The following PPP4R4 variants were observed in gnomAD, a reference collection of about 807,000 sequenced individuals.
The protein encoded by PPP4R4 is serine/threonine-protein phosphatase 4 regulatory subunit 4.
A neutral mutation model predicts 121.8 loss-of-function variants in PPP4R4; 70 were observed. The observed-to-expected ratio is 0.57, with a 90% CI of 0.47 to 0.70. The LOEUF (loss-of-function observed/expected upper bound fraction) is 0.70, where lower values mean the gene tolerates loss of function less well. PPP4R4 is among the 30% of genes least tolerant of loss of function. The pLI is 0.00. For synonymous variants in PPP4R4, 348 were observed against 355.7 expected (o/e 0.98, Z 0.24); for missense variants, 875 against 1,033.6 (o/e 0.85, Z 2.10).
intron 7 of PPP4R4, among the ~76,000 whole-genome samples, chr14:94,236,701 T>TA (rs1420109136): frequency 6.6e-6 from 1 of 152,180 alleles, no homozygotes; most frequent in Non-Finnish European, 1.5e-5. Context: ...AAACTTATTT[T>TA]AAAAAATGCT....
At chr14:94,188,406 C>T (rs1889404760) in intron 2 of PPP4R4, among the ~76,000 whole-genome samples, 1 of 151,974 alleles carries the variant, frequency 6.6e-6, no homozygotes, top group South Asian at 2.1e-4. Context: ...CTTATAATGT[C>T]TTATTTTGAT....
At chr14:94,205,752 A>T (rs1481484299) in intron 2 of PPP4R4, among the ~76,000 whole-genome samples, 2 of 151,922 alleles carry the variant, frequency 1.3e-5, no homozygotes, top group East Asian at 3.9e-4. Context: ...TCATGGGAAA[A>T]TACAGAAGTT....
chr14:94,275,521 T>C lies in PPP4R4; in HGVS notation c.2597T>C (p.Leu866Ser), dbSNP rs755232005. The C allele has an allele frequency of 6.8e-6, 11 of 1,613,970 alleles. No individual in the cohort carries two copies. The highest frequency in any genetic ancestry group is 9.3e-6 in the Non-Finnish European group (11 of 1,179,882). ...SKDTQPRKAT[L>S]KSRKSNP is the part of the protein sequence containing the mutation. ...GATACACAACCACGGAAGGCTACCTTGTAAGTAATCAAGTGATGTCAGACT... is the reference window on the plus strand; with the variant it reads ...GATACACAACCACGGAAGGCTACCTCGTAAGTAATCAAGTGATGTCAGACT... Residue 866 changes from leucine to serine, a missense_variant and splice_region_variant, in exon 24 of 25, where the codon TTA becomes TCA. Leu to Ser is a moderately radical substitution (Grantham distance 145). Transcript: ENST00000304338.
intron 7 of PPP4R4, among the ~76,000 whole-genome samples, chr14:94,236,284 A>G (rs1023133391): frequency 6.6e-6 from 1 of 152,216 alleles, no homozygotes; most frequent in African/African-American, 2.4e-5. Flanking sequence ...ATTGAATGGA[A>G]ATAACTTTTA....
chr14:94,227,232 G>C, intron 3 of PPP4R4: 1 of 1,415,986 alleles, frequency 7.1e-7, no homozygotes, highest in Admixed American at 1.7e-5. Flanking sequence ...ATGGTAACTG[G>C]CTTAAGGCAT....
chr14:94,276,119 T>C (rs1894625836), intron 24 of PPP4R4, among the ~76,000 whole-genome samples: 1 of 152,210 alleles, frequency 6.6e-6, no homozygotes, highest in Non-Finnish European at 1.5e-5. Context: ...AAAATCACCA[T>C]GATAAGAGAC....
chr14:94,188,226 AGTGAAGTAC>A (rs1396737712), intron 2 of PPP4R4, among the ~76,000 whole-genome samples: 5 of 152,070 alleles, frequency 3.3e-5, no homozygotes, highest in Non-Finnish European at 5.9e-5. Context: ...CTTTTAGTAT[AGTGAAGTAC>A]GTTGATTAAT....
chr14:94,196,618 A>G (rs951448573), intron 2 of PPP4R4, among the ~76,000 whole-genome samples: 2 of 151,866 alleles, frequency 1.3e-5, no homozygotes, highest in East Asian at 3.9e-4. Flanking sequence ...CTGGCCTCAA[A>G]TCTTTTTTAT....
intron 19 of PPP4R4, among the ~76,000 whole-genome samples, chr14:94,260,538 A>G (rs1266396726): frequency 6.6e-6 from 1 of 152,102 alleles, no homozygotes; most frequent in East Asian, 1.9e-4. Context: ...TGGGTATGTA[A>G]TGGTATCTCA....
At chr14:94,218,385 G>GCACACA (rs142423588) in intron 3 of PPP4R4, among the ~76,000 whole-genome samples, 2 of 92,686 alleles carry the variant, frequency 2.2e-5, no homozygotes, top group East Asian at 7.3e-4. Flanking sequence ...GCACGCGCGT[G>GCACACA]CACACACACA....
intron 17 of PPP4R4, 82 bp from the exon 18 acceptor site, chr14:94,258,701 C>A: frequency 9.8e-7 from 1 of 1,017,494 alleles, no homozygotes; most frequent in Non-Finnish European, 1.5e-6. Context: ...TTTGAACCTC[C>A]ATTTGCAAAA....
chr14:94,235,991 A>T (rs1892326615), intron 7 of PPP4R4, among the ~76,000 whole-genome samples: 1 of 152,186 alleles, frequency 6.6e-6, no homozygotes, highest in Non-Finnish European at 1.5e-5. Context: ...ATTTTTTAAA[A>T]ATCTGGGCCA....
chr14:94,180,106 C>T (rs1296878511), intron 2 of PPP4R4, among the ~76,000 whole-genome samples: 1 of 152,126 alleles, frequency 6.6e-6, no homozygotes, highest in African/African-American at 2.4e-5. Context: ...GGTTGAAGCA[C>T]CTGGCACATA....
intron 3 of PPP4R4, among the ~76,000 whole-genome samples, chr14:94,224,308 ACTG>A (rs1272042914): frequency 2.6e-5 from 4 of 152,194 alleles, no homozygotes; most frequent in Non-Finnish European, 4.4e-5. Flanking sequence ...TCTCATGCTG[ACTG>A]TAAAGTCGAA....
intron 3 of PPP4R4, among the ~76,000 whole-genome samples, chr14:94,222,593 T>C (rs1891469618): frequency 6.6e-6 from 1 of 150,506 alleles, no homozygotes; most frequent in African/African-American, 2.4e-5. Context: ...TTTTTCTGCC[T>C]GAAGAACACC....
intron 8 of PPP4R4, among the ~76,000 whole-genome samples, chr14:94,240,246 G>A (rs1892556951): frequency 6.6e-6 from 1 of 152,160 alleles, no homozygotes; most frequent in Non-Finnish European, 1.5e-5. Flanking sequence ...AGTAATAAAT[G>A]AAATGATAAA....
intron 22 of PPP4R4, among the ~76,000 whole-genome samples, chr14:94,266,726 C>T (rs1894070900): frequency 6.6e-6 from 1 of 151,858 alleles, no homozygotes; most frequent in South Asian, 2.1e-4. Context: ...GCTTGAACCT[C>T]AAAAGAAAAA....
intron 2 of PPP4R4, among the ~76,000 whole-genome samples, chr14:94,195,698 T>C (rs1195299493): frequency 6.6e-6 from 1 of 151,880 alleles, no homozygotes; most frequent in Non-Finnish European, 1.5e-5. Flanking sequence ...CCCTAGACCA[T>C]GAGTAGAGGG....
chr14:94,205,001 G>C (rs1035168759), intron 2 of PPP4R4, among the ~76,000 whole-genome samples: 2 of 152,100 alleles, frequency 1.3e-5, no homozygotes, highest in African/African-American at 4.8e-5. Flanking sequence ...TATAATTCTT[G>C]CTAAAATTTT....
Sources: allele counts gnomAD v4.1 joint callset (sites outside exome capture counted in the v4.1 genomes callset), GRCh38; gene constraint gnomAD v4.1.1; transcripts MANE v1.5; gene names NCBI Gene and HGNC (gene_info 2026-07-23, HGNC 2026-07-21).